ARHGAP44: variants seen among roughly 807,000 people sequenced by gnomAD.
ARHGAP44 encodes Rho GTPase activating protein 44, also known as rho GTPase-activating protein 44.
ARHGAP44 carries 43 observed loss-of-function variants against 106.8 expected under a neutral mutation model. The observed-to-expected ratio is 0.40, with a 90% CI of 0.32 to 0.52. ARHGAP44 has a LOEUF of 0.52. Ranked by LOEUF, ARHGAP44 falls within the 20% of genes least tolerant of loss-of-function variation. The pLI is 0.48. For missense variants in ARHGAP44, 866 were observed against 1,050.5 expected (o/e 0.82, Z 2.43); for synonymous variants, 439 against 410.3 (o/e 1.07, Z -0.85).
intron 1 of ARHGAP44, among the ~76,000 whole-genome samples, chr17:12,878,375 T>G (rs1478933857): frequency 6.6e-6 from 1 of 152,162 alleles, no homozygotes; most frequent in Non-Finnish European, 1.5e-5. Context: ...AACTCATAAG[T>G]GGAACAGTGC....
intron 15 of ARHGAP44, 127 bp downstream of exon 15, chr17:12,956,873 A>G (rs1598115536): frequency 4.7e-6 from 2 of 423,628 alleles, no homozygotes; most frequent in Non-Finnish European, 8.0e-6. Flanking sequence ...ATAAACACAC[A>G]CACACACACA....
At chr17:12,961,921 C>G (rs1368525537) in intron 16 of ARHGAP44, among the ~76,000 whole-genome samples, 1 of 151,942 alleles carries the variant, frequency 6.6e-6, no homozygotes, top group African/African-American at 2.4e-5. Flanking sequence ...CTCTTGAGTC[C>G]CTATGTTATC....
intron 1 of ARHGAP44, among the ~76,000 whole-genome samples, chr17:12,862,534 G>A (rs1166797725): frequency 6.6e-6 from 1 of 152,186 alleles, no homozygotes; most frequent in African/African-American, 2.4e-5. Context: ...CATTGTTCCA[G>A]TACTGGAAAT....
chr17:12,903,785 A>G (rs193171231), intron 3 of ARHGAP44, among the ~76,000 whole-genome samples: 53 of 152,176 alleles, frequency 3.5e-4, no homozygotes, highest in African/African-American at 1.2e-3. Flanking sequence ...AGTCCATTGT[A>G]TCATTCTTAT....
At chr17:12,887,510 G>A (rs550602506) in intron 1 of ARHGAP44, among the ~76,000 whole-genome samples, 1 of 152,250 alleles carries the variant, frequency 6.6e-6, no homozygotes, top group East Asian at 1.9e-4. Context: ...GAAGTGTTGG[G>A]ATTACAGACG....
intron 20 of ARHGAP44, chr17:12,987,293 C>T: frequency 1.4e-6 from 1 of 702,672 alleles, no homozygotes; most frequent in Non-Finnish European, 2.2e-6. Context: ...CCGGCCTCAG[C>T]AAGGATGAGT....
At chr17:12,881,029 AT>A (rs1158032764) in intron 1 of ARHGAP44, among the ~76,000 whole-genome samples, 1 of 151,836 alleles carries the variant, frequency 6.6e-6, no homozygotes, top group African/African-American at 2.4e-5. Context: ...AATAGTTACA[AT>A]TTCCTCCTTT....
At chr17:12,823,170 T>C (rs2034822133) in intron 1 of ARHGAP44, among the ~76,000 whole-genome samples, 1 of 152,130 alleles carries the variant, frequency 6.6e-6, no homozygotes, top group African/African-American at 2.4e-5. Flanking sequence ...ATACTTCTAA[T>C]CAACTTGGTA....
At chr17:12,978,188 T>A (rs1045763944) in intron 18 of ARHGAP44, among the ~76,000 whole-genome samples, 12 of 152,062 alleles carry the variant, frequency 7.9e-5, no homozygotes, top group Non-Finnish European at 1.5e-4. Context: ...TTATGAGATG[T>A]TTTTGATTGG....
At chr17:12,927,889 CG>C (rs534188903) in intron 6 of ARHGAP44, among the ~76,000 whole-genome samples, 17 of 152,108 alleles carry the variant, frequency 1.1e-4, no homozygotes, top group African/African-American at 4.1e-4. Context: ...AATAGAGGAT[CG>C]TGCGGACTAG....
At chr17:12,954,502 G>T (rs889254516) in intron 13 of ARHGAP44, among the ~76,000 whole-genome samples, 2 of 152,200 alleles carry the variant, frequency 1.3e-5, no homozygotes, top group Non-Finnish European at 2.9e-5. Context: ...CCTCTTGGAG[G>T]GTGGGGCATG....
chr17:12,900,883 C>T (rs1215593380), intron 3 of ARHGAP44, among the ~76,000 whole-genome samples: 1 of 147,264 alleles, frequency 6.8e-6, no homozygotes, highest in East Asian at 2.0e-4. Context: ...ACAAGATGTG[C>T]CAGGTTCCGA....
intron 16 of ARHGAP44, among the ~76,000 whole-genome samples, chr17:12,968,863 G>A (rs1598137350): frequency 1.3e-5 from 2 of 150,970 alleles, no homozygotes; most frequent in Non-Finnish European, 2.9e-5. Flanking sequence ...TCCGCCTCCC[G>A]GGTTCACGCC....
In ARHGAP44 at chr17:12,990,148, G is replaced by A. The variant is rs757408078; in HGVS notation, c.2434G>A (p.Glu812Lys). Reference sequence around the variant, plus strand: ...AACTGACAAGAGGGACTCGGAGGAGGAGTCTGAGAGCACCGCCCTCTGACA... The same window carrying A: ...AACTGACAAGAGGGACTCGGAGGAGAAGTCTGAGAGCACCGCCCTCTGACA... ...SVTDKRDSEE[E>K]SESTAL The change falls in exon 21 of 21, where the codon GAG becomes AAG. Residue 812 changes from glutamate to lysine, a missense_variant. By Grantham distance (56) the Glu-to-Lys change is moderately conservative. Around this residue, in one of 2 missense-constraint regions of ARHGAP44, gnomAD observed 418 missense variants for 403.6 expected, o/e 1.04. Coordinates refer to ENST00000379672, the MANE Select transcript of ARHGAP44 (RefSeq NM_014859.6). 2.5e-6 allele frequency: 4 copies of A among 1,613,044 alleles called. No homozygotes were observed. The highest frequency in any genetic ancestry group is 1.3e-5 in the African/African-American group (1 of 74,898).
chr17:12,917,843 A>G (rs568896767), intron 5 of ARHGAP44, among the ~76,000 whole-genome samples: 11 of 152,300 alleles, frequency 7.2e-5, no homozygotes, highest in African/African-American at 2.4e-4. Context: ...TTAGAATTTC[A>G]TAGCTACGTG....
intron 1 of ARHGAP44, among the ~76,000 whole-genome samples, chr17:12,868,591 T>TTTTATATATATA (rs1278978418): frequency 6.6e-4 from 31 of 47,152 alleles, no homozygotes; most frequent in African/African-American, 1.9e-3. Flanking sequence ...TATATGCATT[T>TTTTATATATATA]TATATATATA....
At chr17:12,954,282 CTG>C (rs1476743942) in intron 13 of ARHGAP44, among the ~76,000 whole-genome samples, 11 of 152,214 alleles carry the variant, frequency 7.2e-5, no homozygotes, top group African/African-American at 2.7e-4. Flanking sequence ...GTTCATAACA[CTG>C]TGAATGTACT....
intron 10 of ARHGAP44, among the ~76,000 whole-genome samples, chr17:12,946,770 C>T (rs2038862851): frequency 6.6e-6 from 1 of 151,334 alleles, no homozygotes; most frequent in African/African-American, 2.4e-5. Context: ...CACTGCACTC[C>T]AGCCTGGGCA....
chr17:12,849,973 A>G (rs910637912), intron 1 of ARHGAP44, among the ~76,000 whole-genome samples: 4 of 152,178 alleles, frequency 2.6e-5, no homozygotes, highest in African/African-American at 7.2e-5. Flanking sequence ...AAAATAGCCC[A>G]TAAAAGAGCA....
Sources: allele counts gnomAD v4.1 joint callset (sites outside exome capture counted in the v4.1 genomes callset), GRCh38; gene constraint gnomAD v4.1.1; regional missense constraint gnomAD v4.1.1; transcripts MANE v1.5; gene names NCBI Gene and HGNC (gene_info 2026-07-23, HGNC 2026-07-21).